Variants in FAXDC2 observed in about 807,000 individuals in gnomAD.
The protein encoded by FAXDC2 is fatty acid hydroxylase domain-containing protein 2.
In FAXDC2, 41 loss-of-function variants were observed where a neutral mutation model predicts 40.9. The ratio of observed to expected loss-of-function variants is 1.00; its 90% CI spans 0.78 to 1.30. The LOEUF (loss-of-function observed/expected upper bound fraction) is 1.30. Ranked by LOEUF, FAXDC2 falls within the 50% of genes most tolerant of loss-of-function variation. The pLI is 0.00. For synonymous variants in FAXDC2, 157 were observed against 149.3 expected (o/e 1.05, Z -0.38); for missense variants, 390 against 408.8 (o/e 0.95, Z 0.40).
At chr5:154,838,041 G>T in intron 2 of FAXDC2, 90 bp downstream of exon 2, 1 of 855,516 alleles carries the variant, frequency 1.2e-6, no homozygotes, top group South Asian at 1.4e-5. Context: ...TAAACCTTGG[G>T]GGAGATGTTG....
intron 1 of FAXDC2, among the ~76,000 whole-genome samples, chr5:154,843,170 A>G (rs1760521866): frequency 6.6e-6 from 1 of 152,150 alleles, no homozygotes; most frequent in Non-Finnish European, 1.5e-5. Flanking sequence ...TTGGGAAGGG[A>G]GTAGAGAGGA....
At position 154,820,045 on chromosome 5, in the gene FAXDC2, G is replaced by T. The variant is rs1759840500; in HGVS notation, c.*271C>A. The T allele has an allele frequency of 9.0e-6, 3 of 335,186 alleles. No homozygotes were observed. The East Asian group carries it at 2.2e-4, about 24-fold the overall frequency. The allele number at this position is 335,186 out of a possible 1,614,324, so 20.8% of individuals were successfully genotyped here. The stretch of plus-strand genomic sequence containing the variant: ...CTCCTTCCACAGCAGAGGACCAGGG[G>T]TCTCCTCCCTCTGACCAGCCTCCAG... On this transcript the variant is annotated 3_prime_UTR_variant, in exon 9 of 9. Coordinates refer to ENST00000326080, the MANE Select transcript of FAXDC2 (RefSeq NM_032385.5).
At chr5:154,831,982 T>C (rs919905733) in intron 4 of FAXDC2, among the ~76,000 whole-genome samples, 2 of 152,072 alleles carry the variant, frequency 1.3e-5, no homozygotes, top group Admixed American at 1.3e-4. Flanking sequence ...GAGTATTAAG[T>C]AAGGCTACAT....
intron 4 of FAXDC2, chr5:154,831,216 A>C: frequency 4.3e-6 from 1 of 233,380 alleles, no homozygotes; most frequent in Non-Finnish European, 8.6e-6. Flanking sequence ...ACCCTCTAAA[A>C]TAGAAATGAA....
intron 1 of FAXDC2, among the ~76,000 whole-genome samples, chr5:154,839,325 C>CAA (rs746822715): frequency 5.4e-5 from 5 of 92,774 alleles, no homozygotes; most frequent in East Asian, 5.7e-4. Context: ...GACTCCATCT[C>CAA]AAAAAAAAAA....
rs533739519 is a variant in FAXDC2 at position 154,831,535 on chromosome 5, G to A, written c.245-613C>T. On this transcript the variant is annotated intron_variant, in intron 4 of 8. Coordinates refer to ENST00000326080, the MANE Select transcript of FAXDC2 (RefSeq NM_032385.5). ...TGTGATCATGGCTCACTGTAGCCTC[G>A]ACCTGCCAAGCCGAAGTGATCCTCT... is the stretch of plus-strand genomic sequence containing the variant. 1.3e-3 allele frequency among the ~76,000 whole-genome samples: 195 copies of A among 151,842 alleles called. 1 individual carries two copies. Among genetic ancestry groups the A allele is most frequent in the African/African-American group, 4.3e-3 (178 of 41,354 alleles).
rs371080724 is a variant in FAXDC2, at chr5:154,822,544, G to A, written c.606C>T (p.Ile202=). The A allele has an allele frequency of 1.2e-6, 2 of 1,614,032 alleles. No homozygotes were observed. The highest frequency in any genetic ancestry group is 1.3e-5 in the African/African-American group (1 of 74,924). ...LLHHPTFYKK[I]HKKHHEWTAP... ...CTGTCCACTCATGGTGTTTCTTGTGGATTTTCTTGTAGAATGTTGGGTGGT... is the reference window on the plus strand; with the variant it reads ...CTGTCCACTCATGGTGTTTCTTGTGAATTTTCTTGTAGAATGTTGGGTGGT... The change falls in exon 7 of 9, where the codon ATC becomes ATT. Residue 202 remains isoleucine, a synonymous_variant. Coordinates refer to ENST00000326080, the MANE Select transcript of FAXDC2 (RefSeq NM_032385.5).
chr5:154,819,561 T>G lies in FAXDC2; in HGVS notation c.*755A>C, dbSNP rs1287410168. The G allele has an allele frequency of 2.6e-5, 4 of 152,172 alleles. No individual in the cohort carries two copies. Among genetic ancestry groups the G allele is most frequent in the African/African-American group, 9.6e-5 (4 of 41,522 alleles). The allele number at this position is 152,172 out of a possible 1,614,324, so 9.4% of individuals were successfully genotyped here. On this transcript the variant is annotated 3_prime_UTR_variant, in exon 9 of 9. Coordinates refer to ENST00000326080, the MANE Select transcript of FAXDC2 (RefSeq NM_032385.5). ...AGGGCTTTTCACAGTTTCCCAGCAG[T>G]TGGTTTTTGGTTTCCACATAAGGCT...
At chr5:154,848,107 G>A (rs1464963089) in intron 1 of FAXDC2, among the ~76,000 whole-genome samples, 1 of 152,200 alleles carries the variant, frequency 6.6e-6, no homozygotes, top group Non-Finnish European at 1.5e-5. Context: ...CCAATGTGCT[G>A]GGATTACAGG....
intron 1 of FAXDC2, among the ~76,000 whole-genome samples, chr5:154,849,919 C>T (rs1235022371): frequency 6.6e-6 from 1 of 152,206 alleles, no homozygotes; most frequent in Non-Finnish European, 1.5e-5. Context: ...CAACTGGAGC[C>T]ACTGTTGGTA....
chr5:154,827,451 G>GTGTGTGTGTGTGTGTA (rs1240234315), intron 5 of FAXDC2, among the ~76,000 whole-genome samples: 16 of 151,644 alleles, frequency 1.1e-4, no homozygotes, highest in African/African-American at 3.9e-4. Context: ...GTGTGTGTGT[G>GTGTGTGTGTGTGTGTA]TGTGTGTGTA....
intron 6 of FAXDC2, 97 bp from the exon 7 acceptor site, chr5:154,822,674 C>T (rs1157878521): frequency 6.7e-6 from 6 of 890,382 alleles, no homozygotes; most frequent in African/African-American, 4.9e-5. Flanking sequence ...GGGGTTACAT[C>T]CATGGAGCAA....
chr5:154,847,487 C>CTTTTTTTTTTTTTT (rs557543082), intron 1 of FAXDC2, among the ~76,000 whole-genome samples: 1 of 132,316 alleles, frequency 7.6e-6, no homozygotes, highest in Non-Finnish European at 1.6e-5. Flanking sequence ...TTCTTTCTTT[C>CTTTTTTTTTTTTTT]TTTTTTTTTT....
At position 154,827,950 on chromosome 5, in the gene FAXDC2, A is replaced by G. The variant is rs565179474; in HGVS notation, c.366+2851T>C. 2.6e-5 allele frequency among the ~76,000 whole-genome samples: 4 copies of G among 152,148 alleles called. No homozygotes were observed. In the South Asian group the frequency reaches 8.3e-4, roughly 32 times the overall value. On this transcript the variant is annotated intron_variant, in intron 5 of 8. Transcript: ENST00000326080. ...CTGTAACCTCGACCTCCTGGGCTCA[A>G]GCAATCCTCCCGTCTCAGCTTCCCA...
chr5:154,827,421 T>G (rs1197478658), intron 5 of FAXDC2, among the ~76,000 whole-genome samples: 4 of 138,592 alleles, frequency 2.9e-5, no homozygotes, highest in East Asian at 2.1e-4. Context: ...TTCTGTTATT[T>G]TGTGTGTGTG....
chr5:154,832,507 T>C (rs952958283), intron 4 of FAXDC2, among the ~76,000 whole-genome samples: 1 of 152,174 alleles, frequency 6.6e-6, no homozygotes, highest in Non-Finnish European at 1.5e-5. Context: ...GGCCCATATT[T>C]ACTTTTATAC....
Position 154,838,195 on chromosome 5 carries a change from C to T in FAXDC2, c.1-17G>A, listed in dbSNP as rs1204773022. ...TCCTTTCATCTGGAATGAGAAAGCA[C>T]AGGCGAGCCGGGGAGTTATTTTCAT... On this transcript the variant is annotated splice_polypyrimidine_tract_variant and intron_variant, in intron 1 of 8. Coordinates refer to ENST00000326080, the MANE Select transcript of FAXDC2 (RefSeq NM_032385.5). 1 of 1,611,944 alleles carries T rather than the reference C, an allele frequency of 6.2e-7. No homozygotes were observed. Among genetic ancestry groups the T allele is most frequent in the Non-Finnish European group, 8.5e-7 (1 of 1,179,204 alleles).
intron 1 of FAXDC2, among the ~76,000 whole-genome samples, chr5:154,844,417 A>G (rs1208147987): frequency 6.6e-6 from 1 of 152,008 alleles, no homozygotes; most frequent in African/African-American, 2.4e-5. Flanking sequence ...ACAAGTACAT[A>G]TAGAGACTGA....
chr5:154,840,994 G>A (rs1425130096), intron 1 of FAXDC2, among the ~76,000 whole-genome samples: 1 of 152,136 alleles, frequency 6.6e-6, no homozygotes, highest in East Asian at 1.9e-4. Context: ...TCCCATTACA[G>A]CAGGAGGGGT....
Sources: allele counts gnomAD v4.1 joint callset (sites outside exome capture counted in the v4.1 genomes callset), GRCh38; gene constraint gnomAD v4.1.1; transcripts MANE v1.5; gene names NCBI Gene and HGNC (gene_info 2026-07-23, HGNC 2026-07-21).